Variants in PLEKHA7 observed in about 807,000 individuals in gnomAD.
The protein encoded by PLEKHA7 is pleckstrin homology domain containing A7.
PLEKHA7 carries 104 observed loss-of-function variants against 170.0 expected under a neutral mutation model. The ratio of observed to expected loss-of-function variants is 0.61; its 90% CI spans 0.52 to 0.72. The LOEUF (loss-of-function observed/expected upper bound fraction) is 0.72. Among genes scored for constraint, PLEKHA7 ranks in the 30% least tolerant of loss-of-function variants. PLEKHA7 has a pLI of 0.00. For missense variants in PLEKHA7, 1,615 were observed against 1,671.7 expected, an observed-to-expected ratio of 0.97 and a Z score of 0.59; for synonymous variants, 648 against 660.8, an observed-to-expected ratio of 0.98 and a Z score of 0.30.
intron 4 of PLEKHA7, among the ~76,000 whole-genome samples, chr11:16,864,373 CTAT>C (rs770362543): frequency 1.3e-5 from 2 of 152,076 alleles, no homozygotes; most frequent in Admixed American, 6.5e-5. Flanking sequence ...ACTAGCAATA[CTAT>C]TAATATTATT....
chr11:16,995,094 A>T (rs1286476374), intron 3 of PLEKHA7, among the ~76,000 whole-genome samples: 1 of 152,152 alleles, frequency 6.6e-6, no homozygotes, highest in East Asian at 1.9e-4. Flanking sequence ...ACTTCCTATT[A>T]ACTCATTTAA....
intron 3 of PLEKHA7, among the ~76,000 whole-genome samples, chr11:16,908,491 A>G (rs545861921): frequency 1.4e-5 from 2 of 140,176 alleles, no homozygotes; most frequent in Non-Finnish European, 3.0e-5. Flanking sequence ...TGAGAAAATA[A>G]TTTTTTTTTC....
chr11:16,811,394 C>T (rs1590194127), intron 13 of PLEKHA7, among the ~76,000 whole-genome samples: 1 of 152,156 alleles, frequency 6.6e-6, no homozygotes, highest in Non-Finnish European at 1.5e-5. Context: ...GACTGTTGGG[C>T]CCTGGGTCAG....
chr11:16,980,512 G>A (rs1182623469), intron 3 of PLEKHA7, among the ~76,000 whole-genome samples: 1 of 152,252 alleles, frequency 6.6e-6, no homozygotes, highest in African/African-American at 2.4e-5. Context: ...GCAGAAGGCA[G>A]AATGCTCAGT....
At chr11:16,916,369 C>T (rs1041465194) in intron 3 of PLEKHA7, among the ~76,000 whole-genome samples, 8 of 152,118 alleles carry the variant, frequency 5.3e-5, no homozygotes, top group Non-Finnish European at 8.8e-5. Context: ...GACTTTCTAC[C>T]GCAGAAAACC....
chr11:16,786,153 C>G (rs1162737910), intron 24 of PLEKHA7, 76 bp downstream of exon 24: 1 of 1,492,320 alleles, frequency 6.7e-7, no homozygotes, highest in Non-Finnish European at 9.0e-7. Context: ...TGATACCCCA[C>G]AGTGGGAAGG....
At position 16,871,188 on chromosome 11, in the gene PLEKHA7, G is replaced by T; in HGVS notation, c.222-6C>A. The stretch of plus-strand genomic sequence containing the variant: ...CTGTGGTCTGCTGGTTATGGCTAAA[G>T]AGAAAGAGAGAAGATGGATGAGAAT... On this transcript the variant is annotated splice_polypyrimidine_tract_variant and splice_region_variant and intron_variant, in intron 3 of 26. Coordinates refer to ENST00000531066, the MANE Select transcript of PLEKHA7 (RefSeq NM_001329630.2). 2 of 1,594,184 alleles carry T rather than the reference G, an allele frequency of 1.3e-6. No individual in the cohort carries two copies. Among genetic ancestry groups the T allele is most frequent in the South Asian group, 2.2e-5 (2 of 90,694 alleles).
chr11:16,872,447 T>G (rs899831935), intron 3 of PLEKHA7, among the ~76,000 whole-genome samples: 2 of 152,210 alleles, frequency 1.3e-5, no homozygotes, highest in Non-Finnish European at 2.9e-5. Context: ...TCACATCCTA[T>G]TAACATAGAA....
Position 16,940,478 on chromosome 11 carries a change from C to T in PLEKHA7, c.222-69296G>A, listed in dbSNP as rs375973694. Among the ~76,000 whole-genome samples the T allele has an allele frequency of 1.6e-4, 24 of 151,788 alleles. No homozygotes were observed. In the East Asian group the frequency reaches 4.5e-3, roughly 28 times the overall value. On this transcript the variant is annotated intron_variant, in intron 3 of 26. Coordinates refer to ENST00000531066, the MANE Select transcript of PLEKHA7 (RefSeq NM_001329630.2). Reference sequence around the variant, plus strand: ...AATTTTTTTGTATTTTTAGTACAGACGGGGTTCCACCAGATTGGCTGCTGG... The same window carrying T: ...AATTTTTTTGTATTTTTAGTACAGATGGGGTTCCACCAGATTGGCTGCTGG...
chr11:16,809,223 G>T (rs551828075), intron 13 of PLEKHA7, among the ~76,000 whole-genome samples: 1 of 152,308 alleles, frequency 6.6e-6, no homozygotes, highest in Non-Finnish European at 1.5e-5. Flanking sequence ...ACCCCAGCAG[G>T]AACGCTCACT....
intron 3 of PLEKHA7, among the ~76,000 whole-genome samples, chr11:16,987,645 T>G (rs1863816031): frequency 6.6e-6 from 1 of 152,120 alleles, no homozygotes; most frequent in East Asian, 1.9e-4. Flanking sequence ...CCCACCCCTT[T>G]AAACAAGTTG....
intron 3 of PLEKHA7, among the ~76,000 whole-genome samples, chr11:16,975,562 T>G (rs1863008342): frequency 6.6e-6 from 1 of 152,194 alleles, no homozygotes. Flanking sequence ...GAGCATCCAC[T>G]GATTTTGCTA....
At chr11:16,898,824 C>T (rs1857151728) in intron 3 of PLEKHA7, among the ~76,000 whole-genome samples, 1 of 152,182 alleles carries the variant, frequency 6.6e-6, no homozygotes, top group Non-Finnish European at 1.5e-5. Context: ...TCACTGTCCT[C>T]AGATCACCCA....
chr11:16,960,539 G>A (rs1246845665), intron 3 of PLEKHA7, among the ~76,000 whole-genome samples: 4 of 152,054 alleles, frequency 2.6e-5, no homozygotes, highest in Non-Finnish European at 4.4e-5. Context: ...TCGCCCTAGG[G>A]GTTCTAGGAA....
chr11:16,905,453 CATG>C (rs1313670572), intron 3 of PLEKHA7, among the ~76,000 whole-genome samples: 1 of 152,038 alleles, frequency 6.6e-6, no homozygotes, highest in Non-Finnish European at 1.5e-5. Context: ...TCCTCAAGGT[CATG>C]ATAACCCAAA....
chr11:16,873,211 A>G (rs1855005017), intron 3 of PLEKHA7, among the ~76,000 whole-genome samples: 1 of 152,212 alleles, frequency 6.6e-6, no homozygotes, highest in Non-Finnish European at 1.5e-5. Context: ...AGAGATTACT[A>G]TGTCTAAATC....
chr11:16,852,673 C>A (rs1853077086), intron 6 of PLEKHA7, among the ~76,000 whole-genome samples: 1 of 152,104 alleles, frequency 6.6e-6, no homozygotes, highest in Non-Finnish European at 1.5e-5. Flanking sequence ...TTGTTTGTTT[C>A]TTATTTAGGT....
chr11:16,941,602 T>A (rs562186893), intron 3 of PLEKHA7, among the ~76,000 whole-genome samples: 12 of 152,364 alleles, frequency 7.9e-5, no homozygotes, highest in African/African-American at 2.9e-4. Context: ...AAGAGCTTTA[T>A]AGGCATTATC....
chr11:16,967,426 C>T (rs570076130), intron 3 of PLEKHA7, among the ~76,000 whole-genome samples: 8 of 152,282 alleles, frequency 5.3e-5, no homozygotes, highest in Non-Finnish European at 1.0e-4. Flanking sequence ...CTAGGTGATT[C>T]AAATTGACCT....
Sources: gnomAD v4.1 joint callset for allele counts (sites outside exome capture counted in the v4.1 genomes callset) on GRCh38, gnomAD v4.1.1 for gene constraint, MANE v1.5 for transcripts, NCBI Gene and HGNC (gene_info 2026-07-23, HGNC 2026-07-21) for gene names.